Variants in TAFA4 observed in about 807,000 individuals in gnomAD.
The protein encoded by TAFA4 is TAFA chemokine like family member 4, also known as chemokine-like protein TAFA-4.
A neutral mutation model predicts 21.1 loss-of-function variants in TAFA4; 20 were observed. That is an observed-to-expected ratio of 0.95 (90% CI 0.67 to 1.38). The LOEUF (loss-of-function observed/expected upper bound fraction) is 1.38. Ranked by LOEUF, TAFA4 falls within the 40% of genes most tolerant of loss-of-function variation. The probability of loss-of-function intolerance (pLI) is 0.00; values close to 1 mark genes in which losing one functional copy is unlikely to be tolerated. For missense variants in TAFA4, 211 were observed against 180.9 expected (o/e 1.17, Z -0.95); for synonymous variants, 71 against 67.4 (o/e 1.05, Z -0.26).
At chr3:68,890,536 C>G (rs1305954474) in intron 1 of TAFA4, among the ~76,000 whole-genome samples, 1 of 152,128 alleles carries the variant, frequency 6.6e-6, no homozygotes, top group Admixed American at 6.6e-5. Flanking sequence ...ATAGCGCCTG[C>G]TAGGAACCAT....
intron 3 of TAFA4, among the ~76,000 whole-genome samples, chr3:68,844,059 T>C (rs1022683845): frequency 2.6e-5 from 4 of 152,200 alleles, no homozygotes; most frequent in Non-Finnish European, 5.9e-5. Context: ...AGTCCCTCTT[T>C]TTCTATTTTT....
chr3:68,872,531 A>G (rs13096541), intron 3 of TAFA4, among the ~76,000 whole-genome samples: 52,100 of 151,946 alleles, frequency 0.34, 9,534 homozygotes, highest in Middle Eastern at 0.43. Flanking sequence ...GTTTTAGTTC[A>G]AAATAGCTAG....
chr3:68,773,754 G>A (rs1334571247), intron 3 of TAFA4, among the ~76,000 whole-genome samples: 1 of 152,188 alleles, frequency 6.6e-6, no homozygotes, highest in African/African-American at 2.4e-5. Context: ...GTGGAATGGT[G>A]ACAATTTAGT....
chr3:68,899,982 G>A (rs867820389), intron 1 of TAFA4, among the ~76,000 whole-genome samples: 3 of 151,384 alleles, frequency 2.0e-5, no homozygotes, highest in Admixed American at 6.6e-5. Flanking sequence ...GCTCACACCT[G>A]TAATCCCAGC....
intron 3 of TAFA4, among the ~76,000 whole-genome samples, chr3:68,818,643 T>G (rs1449309602): frequency 6.6e-6 from 1 of 152,204 alleles, no homozygotes; most frequent in Non-Finnish European, 1.5e-5. Context: ...AATATTATTG[T>G]GTCTCAGGGA....
intron 1 of TAFA4, among the ~76,000 whole-genome samples, chr3:68,887,331 C>T (rs780409392): frequency 1.3e-5 from 2 of 152,180 alleles, no homozygotes. Context: ...GCCAATGCCA[C>T]GGGCAGCCCT....
chr3:68,874,783 T>TACACACAC (rs10574878), intron 3 of TAFA4, among the ~76,000 whole-genome samples: 7 of 149,538 alleles, frequency 4.7e-5, no homozygotes, highest in African/African-American at 1.5e-4. Flanking sequence ...ACCCTTTCTT[T>TACACACAC]ACACACACAC....
At chr3:68,848,337 CAGAGAGTGTCTTCT>C in intron 3 of TAFA4, among the ~76,000 whole-genome samples, 1 of 152,198 alleles carries the variant, frequency 6.6e-6, no homozygotes, top group African/African-American at 2.4e-5. Flanking sequence ...GACAATGAAT[CAGAGAGTGTCTTCT>C]CTGCTCTCAG....
intron 3 of TAFA4, among the ~76,000 whole-genome samples, chr3:68,877,267 G>A (rs2089560481): frequency 6.6e-6 from 1 of 152,144 alleles, no homozygotes; most frequent in Non-Finnish European, 1.5e-5. Flanking sequence ...GCTGAGGCAG[G>A]AGAATCACTT....
intron 4 of TAFA4, among the ~76,000 whole-genome samples, chr3:68,747,378 G>A (rs1164091795): frequency 6.6e-6 from 1 of 151,936 alleles, no homozygotes; most frequent in East Asian, 1.9e-4. Flanking sequence ...TGAATCATGG[G>A]GGTGGGTTTT....
chr3:68,918,009 C>A (rs1313746897), intron 1 of TAFA4, among the ~76,000 whole-genome samples: 1 of 152,118 alleles, frequency 6.6e-6, no homozygotes, highest in African/African-American at 2.4e-5. Context: ...TGGAAACTCC[C>A]ATCAGTACTT....
chr3:68,829,939 T>C (rs7629966), intron 3 of TAFA4, among the ~76,000 whole-genome samples: 46,823 of 152,048 alleles, frequency 0.31, 7,621 homozygotes, highest in Non-Finnish European at 0.37. Context: ...TCGAGGAATT[T>C]ATCCATTTCT....
intron 3 of TAFA4, among the ~76,000 whole-genome samples, chr3:68,873,267 C>T (rs184206404): frequency 0.021 from 3,210 of 151,282 alleles, 118 homozygotes; most frequent in African/African-American, 0.074. Flanking sequence ...CAACGTCATA[C>T]TTGTTTTCCA....
At chr3:68,817,656 T>C (rs1224449986) in intron 3 of TAFA4, among the ~76,000 whole-genome samples, 1 of 152,218 alleles carries the variant, frequency 6.6e-6, no homozygotes, top group East Asian at 1.9e-4. Context: ...ATGGTTGTTG[T>C]ATTAGCAAGC....
chr3:68,896,504 A>G (rs1041311146), intron 1 of TAFA4, among the ~76,000 whole-genome samples: 1 of 152,210 alleles, frequency 6.6e-6, no homozygotes, highest in Non-Finnish European at 1.5e-5. Flanking sequence ...TGAGTAAGTG[A>G]GCAAAATGTT....
chr3:68,760,990 A>G (rs563856183), intron 3 of TAFA4, among the ~76,000 whole-genome samples: 24 of 152,200 alleles, frequency 1.6e-4, no homozygotes, highest in Non-Finnish European at 3.4e-4. Context: ...TAGAGATGCC[A>G]AATGGAATTA....
chr3:68,914,060 T>C (rs1341557970), intron 1 of TAFA4, among the ~76,000 whole-genome samples: 1 of 152,208 alleles, frequency 6.6e-6, no homozygotes, highest in Non-Finnish European at 1.5e-5. Context: ...AGTGCTTACA[T>C]CTGCCAAAAA....
At chr3:68,796,920 T>A (rs773317632) in intron 3 of TAFA4, among the ~76,000 whole-genome samples, 7 of 152,050 alleles carry the variant, frequency 4.6e-5, no homozygotes, top group Admixed American at 1.3e-4. Flanking sequence ...TGCAAGGCAA[T>A]ACCACAAACA....
chr3:68,786,187 C>T (rs949311917), intron 3 of TAFA4, among the ~76,000 whole-genome samples: 1 of 152,092 alleles, frequency 6.6e-6, no homozygotes, highest in Non-Finnish European at 1.5e-5. Flanking sequence ...TAGAAAAGTA[C>T]TGGAGGACAC....
Sources: gnomAD v4.1 joint callset for allele counts (sites outside exome capture counted in the v4.1 genomes callset) on GRCh38, gnomAD v4.1.1 for gene constraint, MANE v1.5 for transcripts, NCBI Gene and HGNC (gene_info 2026-07-23, HGNC 2026-07-21) for gene names.